Variants in TEX36 observed in about 807,000 individuals in gnomAD.
The protein encoded by TEX36 is testis-expressed protein 36.
Under a neutral mutation model 13.6 loss-of-function variants are expected in TEX36, and 12 were observed. The observed-to-expected ratio is 0.88, with a 90% CI of 0.56 to 1.43. The LOEUF is 1.43. Among genes scored for constraint, TEX36 ranks in the 40% most tolerant of loss-of-function variants. The probability of loss-of-function intolerance (pLI) is 0.00; values close to 1 mark genes in which losing one functional copy is unlikely to be tolerated. For missense variants in TEX36, 224 were observed against 228.3 expected (o/e 0.98, Z 0.12); for synonymous variants, 93 against 83.0 (o/e 1.12, Z -0.65).
At chr10:125,604,717 CAGA>C (rs1170417077) in intron 3 of TEX36, among the ~76,000 whole-genome samples, 2 of 152,090 alleles carry the variant, frequency 1.3e-5, no homozygotes, top group Admixed American at 1.3e-4. Context: ...GAGGCTGAGG[CAGA>C]AGAATTGCTT....
chr10:125,594,423 T>C (rs1846057065), intron 3 of TEX36, among the ~76,000 whole-genome samples: 1 of 152,212 alleles, frequency 6.6e-6, no homozygotes, highest in Admixed American at 6.5e-5. Context: ...ATGAAAAGTG[T>C]ATGCTTGAGC....
intron 3 of TEX36, among the ~76,000 whole-genome samples, chr10:125,624,579 A>T (rs1846464473): frequency 6.6e-6 from 1 of 150,620 alleles, no homozygotes; most frequent in Admixed American, 6.7e-5. Context: ...GTCTCCATAC[A>T]CTCCCCACCA....
chr10:125,594,251 A>G (rs1216574857), intron 3 of TEX36, among the ~76,000 whole-genome samples: 2 of 152,258 alleles, frequency 1.3e-5, no homozygotes, highest in African/African-American at 4.8e-5. Flanking sequence ...ACAATTTGCT[A>G]GATATATATT....
At chr10:125,576,722 G>T in exon 4 of TEX36, 1 of 1,534,352 alleles carries the variant, frequency 6.5e-7, no homozygotes, top group Non-Finnish European at 8.7e-7. Flanking sequence ...CTGGGGAATG[G>T]GTGACAGAAA....
intron 3 of TEX36, among the ~76,000 whole-genome samples, chr10:125,586,763 T>G (rs1268445477): frequency 6.6e-6 from 1 of 151,202 alleles, no homozygotes; most frequent in East Asian, 1.9e-4. Flanking sequence ...TGCACTCCAG[T>G]CTGGGCTCCA....
intron 3 of TEX36, among the ~76,000 whole-genome samples, chr10:125,585,991 C>A (rs1367713588): frequency 6.6e-6 from 1 of 152,178 alleles, no homozygotes; most frequent in African/African-American, 2.4e-5. Context: ...TGGTCCAGTC[C>A]TTTGGGTTTG....
intron 3 of TEX36, among the ~76,000 whole-genome samples, chr10:125,596,697 G>C (rs1046510396): frequency 6.6e-6 from 1 of 152,314 alleles, no homozygotes; most frequent in East Asian, 1.9e-4. Flanking sequence ...ACAGATTAAA[G>C]AAAAGGAAAT....
intron 1 of TEX36, 95 bp downstream of exon 1, chr10:125,682,843 GC>G (rs1847417485): frequency 7.4e-7 from 1 of 1,351,322 alleles, no homozygotes; most frequent in South Asian, 1.3e-5. Context: ...CAAAGGTCAT[GC>G]TTCAGTAATA....
chr10:125,577,970 T>C (rs1382905024), intron 3 of TEX36, among the ~76,000 whole-genome samples: 2 of 152,228 alleles, frequency 1.3e-5, no homozygotes, highest in African/African-American at 4.8e-5. Flanking sequence ...AAATGTCATA[T>C]TCTATGAGAG....
chr10:125,653,631 T>TATA (rs913162087), downstream of TEX36, among the ~76,000 whole-genome samples: 6 of 151,748 alleles, frequency 4.0e-5, no homozygotes, highest in Non-Finnish European at 5.9e-5. Context: ...GAACTTAAAG[T>TATA]ATAATAATAA....
At chr10:125,673,980 TG>T (rs1218844919) in intron 1 of TEX36, among the ~76,000 whole-genome samples, 1 of 152,160 alleles carries the variant, frequency 6.6e-6, no homozygotes, top group Non-Finnish European at 1.5e-5. Context: ...CTTTTTAGGT[TG>T]GGGAAGTTCT....
chr10:125,639,176 A>G (rs1016942920), intron 3 of TEX36, among the ~76,000 whole-genome samples: 2 of 152,274 alleles, frequency 1.3e-5, no homozygotes, highest in Admixed American at 6.5e-5. Flanking sequence ...CACAAGAAAC[A>G]CAATTCATAA....
chr10:125,676,474 G>T (rs538369754), intron 1 of TEX36, among the ~76,000 whole-genome samples: 35 of 151,644 alleles, frequency 2.3e-4, no homozygotes, highest in Non-Finnish European at 4.3e-4. Context: ...TTTTTATCAT[G>T]ACTTTATTTT....
intron 3 of TEX36, among the ~76,000 whole-genome samples, chr10:125,592,689 A>T (rs1187981392): frequency 6.6e-6 from 1 of 152,114 alleles, no homozygotes; most frequent in Non-Finnish European, 1.5e-5. Context: ...CCCATATGAG[A>T]GACCAGTCCC....
chr10:125,675,321 C>T (rs1847294342), intron 1 of TEX36, among the ~76,000 whole-genome samples: 2 of 152,144 alleles, frequency 1.3e-5, no homozygotes, highest in South Asian at 2.1e-4. Context: ...CCACTCCTCC[C>T]CCTGGGAGCT....
intron 1 of TEX36, among the ~76,000 whole-genome samples, chr10:125,676,576 C>A (rs1032703582): frequency 4.6e-5 from 7 of 151,870 alleles, no homozygotes; most frequent in African/African-American, 1.7e-4. Context: ...TTCAGCCAGC[C>A]ATTCTGTATC....
chr10:125,645,058 G>C (rs1846747428), intron 3 of TEX36, among the ~76,000 whole-genome samples: 3 of 152,162 alleles, frequency 2.0e-5, no homozygotes. Flanking sequence ...AAACATGAAA[G>C]AGAACCCCTG....
In TEX36 at chr10:125,667,516, G is replaced by A. The variant is rs9422787; in HGVS notation, c.52-5539C>T. The A allele has an allele frequency of 3.7e-3, 2,683 of 732,228 alleles. 44 individuals are homozygous for A. In the African/African-American group the frequency reaches 0.039, roughly 11 times the overall value. The allele number at this position is 732,228 out of a possible 1,614,324, so 45.4% of individuals were successfully genotyped here. ...TCTTCAGAACACAATGCCACTTGGT[G>A]AAGTCAGCTCCATCCTTCTTGTACT... On this transcript the variant is annotated intron_variant, in intron 1 of 3. Coordinates refer to ENST00000368821, the MANE Select transcript of TEX36 (RefSeq NM_001128202.3).
In TEX36 at chr10:125,669,180, A is replaced by G. The variant is rs188661679; in HGVS notation, c.52-7203T>C. Among the ~76,000 whole-genome samples the G allele has an allele frequency of 5.6e-3, 857 of 152,064 alleles. 3 individuals are homozygous for G. The highest frequency in any genetic ancestry group is 1.0e-2 in the Non-Finnish European group (678 of 67,982). On this transcript the variant is annotated intron_variant, in intron 1 of 3. Coordinates refer to ENST00000368821, the MANE Select transcript of TEX36 (RefSeq NM_001128202.3). ...ATGGTGTGCACCTGTAGTCCCAGCT[A>G]CTCGGGAGGCTGAGGCAGGAGAATT...
Sources: allele counts gnomAD v4.1 joint callset (sites outside exome capture counted in the v4.1 genomes callset), GRCh38; gene constraint gnomAD v4.1.1; transcripts MANE v1.5; gene names NCBI Gene and HGNC (gene_info 2026-07-23, HGNC 2026-07-21).